TRAK1: variants seen among roughly 807,000 people sequenced by gnomAD.
TRAK1 encodes trafficking kinesin-binding protein 1.
Under a neutral mutation model 92.1 loss-of-function variants are expected in TRAK1, and 33 were observed. The observed-to-expected ratio is 0.36, with a 90% confidence interval of 0.27 to 0.48. The LOEUF (loss-of-function observed/expected upper bound fraction) is 0.48, where lower values mean the gene tolerates loss of function less well. Ranked by LOEUF, TRAK1 falls within the 20% of genes least tolerant of loss-of-function variation. The pLI is 0.99. For synonymous variants in TRAK1, 521 were observed against 517.3 expected, an observed-to-expected ratio of 1.01 and a Z score of -0.10; for missense variants, 1,123 against 1,257.9, an observed-to-expected ratio of 0.89 and a Z score of 1.62.
intron 1 of TRAK1, among the ~76,000 whole-genome samples, chr3:42,067,373 C>G (rs928346449): frequency 3.9e-5 from 6 of 152,138 alleles, no homozygotes; most frequent in Admixed American, 3.3e-4. Context: ...GTGGCTGTGT[C>G]CGGGCTGAGA....
intron 1 of TRAK1, among the ~76,000 whole-genome samples, chr3:42,031,971 C>T (rs1702161907): frequency 6.6e-6 from 1 of 152,068 alleles, no homozygotes; most frequent in Non-Finnish European, 1.5e-5. Context: ...CTGAGCACAG[C>T]ATGGGTTAGG....
In TRAK1 at chr3:42,202,790, G is replaced by A; in HGVS notation, c.1744+38G>A. On this transcript the variant is annotated intron_variant, in intron 13 of 15. Transcript: ENST00000327628. The surrounding 1 kb of genome is among the most constrained non-coding windows in gnomAD (Gnocchi z 6.1). Reference sequence around the variant, plus strand: ...GGCCTCGGCCCCTCTCTGTCCTCCTGGGGGACTCCCTTTGGTCCCTGATCC... The same window carrying A: ...GGCCTCGGCCCCTCTCTGTCCTCCTAGGGGACTCCCTTTGGTCCCTGATCC... The A allele has an allele frequency of 6.2e-7, 1 of 1,608,424 alleles. No homozygotes were observed.
intron 1 of TRAK1, among the ~76,000 whole-genome samples, chr3:42,074,092 C>T (rs755546154): frequency 1.6e-4 from 25 of 152,106 alleles, no homozygotes; most frequent in Admixed American, 4.6e-4. Flanking sequence ...TCCACTGGAC[C>T]ATGAGCTCCT....
At chr3:42,120,319 G>C (rs1478014553) in intron 1 of TRAK1, among the ~76,000 whole-genome samples, 14 of 152,116 alleles carry the variant, frequency 9.2e-5, no homozygotes, top group Admixed American at 9.2e-4. Flanking sequence ...TGACTTATTT[G>C]AGAACACATT....
chr3:42,114,404 T>C (rs1278138923), intron 1 of TRAK1, among the ~76,000 whole-genome samples: 1 of 152,262 alleles, frequency 6.6e-6, no homozygotes, highest in Non-Finnish European at 1.5e-5. Context: ...TGGTTATGCA[T>C]GTTTTTAACT....
intron 1 of TRAK1, among the ~76,000 whole-genome samples, chr3:42,079,119 T>A (rs73828527): frequency 0.021 from 3,139 of 152,332 alleles, 122 homozygotes; most frequent in African/African-American, 0.072. Context: ...CATGCTGGAT[T>A]TCCAATATAT....
At chr3:42,028,680 G>C (rs1236741731) in intron 1 of TRAK1, among the ~76,000 whole-genome samples, 1 of 152,198 alleles carries the variant, frequency 6.6e-6, no homozygotes, top group Non-Finnish European at 1.5e-5. Context: ...TGCAGTGCAG[G>C]GGACCCTGGG....
At chr3:42,050,480 C>A (rs1287888168) in intron 1 of TRAK1, among the ~76,000 whole-genome samples, 1 of 152,086 alleles carries the variant, frequency 6.6e-6, no homozygotes, top group Non-Finnish European at 1.5e-5. Flanking sequence ...TTCCTACAAG[C>A]CCTGAACCCC....
rs1052223095 is a variant in TRAK1 at position 42,212,440 on chromosome 3, A to G, written c.1963+2455A>G. ...ACTTGTATGCTAGGCACTTTTGTCCAGAGCCTGCTGTCCCATGGAGAAAAA... is the reference window on the plus strand; with the variant it reads ...ACTTGTATGCTAGGCACTTTTGTCCGGAGCCTGCTGTCCCATGGAGAAAAA... On this transcript the variant is annotated intron_variant, in intron 14 of 15. Transcript: ENST00000327628. The G allele has an allele frequency of 5.1e-6, 5 of 985,344 alleles. No individual in the cohort carries two copies. In the East Asian group the frequency reaches 3.4e-4, roughly 67 times the overall value. The allele number at this position is 985,344 out of a possible 1,614,324, so 61.0% of individuals were successfully genotyped here.
intron 1 of TRAK1, among the ~76,000 whole-genome samples, chr3:42,070,296 T>G (rs1192795105): frequency 6.7e-6 from 1 of 148,532 alleles, no homozygotes; most frequent in African/African-American, 2.4e-5. Context: ...ATTATATTAA[T>G]TATAAATAAT....
intron 2 of TRAK1, among the ~76,000 whole-genome samples, chr3:42,166,392 G>C (rs1276117541): frequency 2.6e-5 from 4 of 152,156 alleles, no homozygotes; most frequent in Non-Finnish European, 5.9e-5. Flanking sequence ...ATGTCTTGGT[G>C]ATAAATGGCC....
chr3:42,195,238 C>CA (rs1189312982), intron 10 of TRAK1, among the ~76,000 whole-genome samples: 1 of 152,202 alleles, frequency 6.6e-6, no homozygotes, highest in African/African-American at 2.4e-5. Flanking sequence ...AGATCTGACT[C>CA]ATACAGGTTG....
At chr3:42,031,314 G>A (rs553777688) in intron 1 of TRAK1, among the ~76,000 whole-genome samples, 1 of 151,918 alleles carries the variant, frequency 6.6e-6, no homozygotes, top group Non-Finnish European at 1.5e-5. Context: ...TGGGATTACA[G>A]GCGTGAGCCA....
chr3:42,210,895 C>G, intron 14 of TRAK1: 1 of 985,294 alleles, frequency 1.0e-6, no homozygotes, highest in Non-Finnish European at 1.2e-6. Context: ...ACAGAATTAC[C>G]CACATTCCAG....
At chr3:42,067,257 A>G (rs1279901734) in intron 1 of TRAK1, among the ~76,000 whole-genome samples, 2 of 152,240 alleles carry the variant, frequency 1.3e-5, no homozygotes, top group Admixed American at 6.5e-5. Context: ...TGTTAACTGA[A>G]GGAACTTTTA....
intron 2 of TRAK1, among the ~76,000 whole-genome samples, chr3:42,141,241 A>G (rs1292730638): frequency 6.6e-6 from 1 of 152,198 alleles, no homozygotes; most frequent in African/African-American, 2.4e-5. Flanking sequence ...TTTGATTACA[A>G]ATATGTTTAA....
intron 13 of TRAK1, chr3:42,203,034 T>A (rs1196460055): frequency 9.7e-6 from 12 of 1,243,346 alleles, no homozygotes; most frequent in Non-Finnish European, 1.2e-5. Context: ...CCTTTGCCTT[T>A]AGAACCTTAG....
chr3:42,201,697 A>G (rs1428995129), intron 12 of TRAK1, among the ~76,000 whole-genome samples: 1 of 151,298 alleles, frequency 6.6e-6, no homozygotes, highest in African/African-American at 2.4e-5. Flanking sequence ...TTGTAGCTTG[A>G]TGTTGGAAAG....
intron 1 of TRAK1, among the ~76,000 whole-genome samples, chr3:42,054,395 C>A (rs1199331660): frequency 6.6e-6 from 1 of 152,108 alleles, no homozygotes; most frequent in Non-Finnish European, 1.5e-5. Flanking sequence ...ACCTTGAGAG[C>A]CTTGCAAGCC....
Sources: gnomAD v4.1 joint callset for allele counts (sites outside exome capture counted in the v4.1 genomes callset) on GRCh38, gnomAD v4.1.1 for gene constraint, Gnocchi (gnomAD v3.1) non-coding constraint, MANE v1.5 for transcripts, NCBI Gene and HGNC (gene_info 2026-07-23, HGNC 2026-07-21) for gene names.